Variants in MYO1D observed in about 807,000 individuals in gnomAD.
MYO1D encodes unconventional myosin-Id.
A neutral mutation model predicts 122.0 loss-of-function variants in MYO1D; 83 were observed. The observed-to-expected ratio is 0.68, with a 90% CI of 0.57 to 0.82. The LOEUF (loss-of-function observed/expected upper bound fraction) is 0.82, where lower values mean the gene tolerates loss of function less well. MYO1D is among the 40% of genes least tolerant of loss of function. The pLI is 0.00. For synonymous variants in MYO1D, 464 were observed against 446.9 expected (o/e 1.04, Z -0.48); for missense variants, 1,157 against 1,269.5 (o/e 0.91, Z 1.35).
rs550000990 is a variant in MYO1D at position 32,778,553 on chromosome 17, T to C, written c.325A>G (p.Thr109Ala). The C allele has an allele frequency of 6.2e-7, 1 of 1,613,914 alleles. No homozygotes were observed. The highest frequency in any genetic ancestry group is 1.1e-5 in the South Asian group (1 of 91,052). ...TGCATAATGTACTTACTGGCTTCCG[T>C]TTTACCAGCTCCACTTTCCCCTGGG... ...VISGESGAGKTEASKYIMQYI... is the reference protein window; with the variant it reads ...VISGESGAGKAEASKYIMQYI... The change falls in exon 3 of 22, where the codon ACG becomes GCG. Residue 109 changes from threonine (T) to alanine (A), a missense_variant. Transcript: ENST00000318217.
At chr17:32,511,929 C>T (rs1381564925) in intron 21 of MYO1D, among the ~76,000 whole-genome samples, 1 of 152,122 alleles carries the variant, frequency 6.6e-6, no homozygotes, top group Non-Finnish European at 1.5e-5. Flanking sequence ...TTAACAGGAT[C>T]CCAGTCCCTG....
chr17:32,693,384 TAA>T (rs200326686), intron 16 of MYO1D, among the ~76,000 whole-genome samples: 59 of 116,144 alleles, frequency 5.1e-4, no homozygotes, highest in Admixed American at 7.0e-4. Context: ...ACACCTCAAG[TAA>T]AAAAAAAAAA....
At chr17:32,792,373 C>A (rs531212816) in intron 1 of MYO1D, 18 of 152,246 alleles carry the variant, frequency 1.2e-4, no homozygotes, top group African/African-American at 4.3e-4. Context: ...TTAGAAAGGA[C>A]AGAGTTTTAT....
chr17:32,537,949 G>A (rs1910711393), intron 21 of MYO1D, among the ~76,000 whole-genome samples: 1 of 152,154 alleles, frequency 6.6e-6, no homozygotes, highest in South Asian at 2.1e-4. Context: ...TTGACATGGT[G>A]AGTCAAGGGG....
At chr17:32,536,004 G>A (rs576009302) in intron 21 of MYO1D, among the ~76,000 whole-genome samples, 1 of 152,264 alleles carries the variant, frequency 6.6e-6, no homozygotes, top group Admixed American at 6.5e-5. Flanking sequence ...AGAGTTATGG[G>A]TCTCCCAGGA....
In MYO1D at chr17:32,755,558, G is replaced by T. The variant is rs976829914; in HGVS notation, c.1401C>A (p.Thr467=). 6.2e-7 allele frequency: 1 copy of T among 1,613,918 alleles called. No individual in the cohort carries two copies. The highest frequency in any genetic ancestry group is 8.5e-7 in the Non-Finnish European group (1 of 1,179,872). The stretch of plus-strand genomic sequence containing the variant: ...TAAGTGCTTCAAGAAACATTTCATC[G>T]GTGACTTTGCCGACATTCATGCAAG... ...DDACMNVGKV[T]DEMFLEALNS... is the part of the protein sequence containing the mutation. The change falls in exon 11 of 22, where the codon ACC becomes ACA. Residue 467 remains threonine, a synonymous_variant. Transcript: ENST00000318217.
chr17:32,657,537 A>T (rs1363780847), intron 17 of MYO1D, among the ~76,000 whole-genome samples: 5 of 152,280 alleles, frequency 3.3e-5, no homozygotes, highest in Non-Finnish European at 7.3e-5. Context: ...CTAGATGGAC[A>T]CAACTGGCAA....
intron 15 of MYO1D, among the ~76,000 whole-genome samples, chr17:32,720,480 G>T (rs2089497321): frequency 1.3e-5 from 2 of 152,052 alleles, no homozygotes; most frequent in African/African-American, 2.4e-5. Context: ...ACAGAGCCAG[G>T]AATCAAACCA....
At chr17:32,826,872 T>A (rs974014499) in intron 1 of MYO1D, among the ~76,000 whole-genome samples, 3 of 152,208 alleles carry the variant, frequency 2.0e-5, no homozygotes, top group African/African-American at 7.2e-5. Context: ...TATTTTAAAC[T>A]TTTAAAAAAT....
chr17:32,824,675 C>A (rs1336480372), intron 1 of MYO1D, among the ~76,000 whole-genome samples: 1 of 152,164 alleles, frequency 6.6e-6, no homozygotes, highest in African/African-American at 2.4e-5. Context: ...CAGAATTGAC[C>A]CAGGACCTCT....
intron 21 of MYO1D, among the ~76,000 whole-genome samples, chr17:32,580,289 A>ATTTTT (rs71144843): frequency 1.8e-4 from 7 of 39,142 alleles, no homozygotes; most frequent in African/African-American, 6.8e-4. Flanking sequence ...TGCTAAGAGG[A>ATTTTT]TTTTTTTTTT....
chr17:32,551,730 C>G (rs9903536), intron 21 of MYO1D, among the ~76,000 whole-genome samples: 52,006 of 152,056 alleles, frequency 0.34, 9,469 homozygotes, highest in African/African-American at 0.44. Context: ...TCTCATGGAT[C>G]ATGACCCATT....
intron 1 of MYO1D, among the ~76,000 whole-genome samples, chr17:32,812,174 T>C (rs1300709342): frequency 6.6e-6 from 1 of 152,180 alleles, no homozygotes; most frequent in African/African-American, 2.4e-5. Context: ...CTTTTCCAAA[T>C]GGAAACAAGA....
chr17:32,642,512 T>C (rs1051367258), intron 19 of MYO1D, among the ~76,000 whole-genome samples: 1 of 152,206 alleles, frequency 6.6e-6, no homozygotes, highest in African/African-American at 2.4e-5. Flanking sequence ...ATCTATAAAT[T>C]ACCTTGGGCA....
At chr17:32,540,138 T>C (rs1300387478) in intron 21 of MYO1D, among the ~76,000 whole-genome samples, 1 of 151,702 alleles carries the variant, frequency 6.6e-6, no homozygotes, top group Non-Finnish European at 1.5e-5. Flanking sequence ...CTGAGGTCAG[T>C]AGTTCAAAAC....
At chr17:32,742,570 G>GT (rs1232757903) in intron 13 of MYO1D, among the ~76,000 whole-genome samples, 3 of 152,186 alleles carry the variant, frequency 2.0e-5, no homozygotes, top group Non-Finnish European at 4.4e-5. Flanking sequence ...AAATAAGGCT[G>GT]TTTTTTCTAA....
intron 15 of MYO1D, among the ~76,000 whole-genome samples, 186 bp from the exon 16 acceptor site, chr17:32,712,381 C>T (rs1447791551): frequency 6.6e-6 from 1 of 152,162 alleles, no homozygotes; most frequent in Non-Finnish European, 1.5e-5. Flanking sequence ...AAGATAACAA[C>T]TCTTACTAAA....
intron 21 of MYO1D, among the ~76,000 whole-genome samples, chr17:32,548,951 T>A (rs899458366): frequency 3.9e-5 from 6 of 152,052 alleles, no homozygotes; most frequent in Admixed American, 1.3e-4. Context: ...TGACCTCAAA[T>A]GATCCACCTG....
chr17:32,622,790 A>T (rs1402669776), intron 20 of MYO1D, among the ~76,000 whole-genome samples: 4 of 152,240 alleles, frequency 2.6e-5, no homozygotes, highest in African/African-American at 9.6e-5. Context: ...CTATGTGATA[A>T]GAACGATGCT....
Sources: allele counts gnomAD v4.1 joint callset (sites outside exome capture counted in the v4.1 genomes callset), GRCh38; gene constraint gnomAD v4.1.1; transcripts MANE v1.5; gene names NCBI Gene and HGNC (gene_info 2026-07-23, HGNC 2026-07-21).